The following ABLIM2 variants were observed in gnomAD, a reference collection of about 807,000 sequenced individuals.
ABLIM2 encodes actin-binding LIM protein 2.
A neutral mutation model predicts 97.7 loss-of-function variants in ABLIM2; 53 were observed. That is an observed-to-expected ratio of 0.54 (90% confidence interval 0.44 to 0.68). The LOEUF (loss-of-function observed/expected upper bound fraction) is 0.68. Among genes scored for constraint, ABLIM2 ranks in the 30% least tolerant of loss-of-function variants. The pLI is 0.00. For missense variants in ABLIM2, 835 were observed against 867.2 expected (o/e 0.96, Z 0.47); for synonymous variants, 361 against 345.8 (o/e 1.04, Z -0.49).
At chr4:8,096,969 G>C (rs748081238) in intron 3 of ABLIM2, 130 bp downstream of exon 3, 6 of 1,195,514 alleles carry the variant, frequency 5.0e-6, no homozygotes, top group Non-Finnish European at 6.9e-6. Flanking sequence ...GTGGGGCCTG[G>C]AACAGCCTCG....
chr4:8,089,387 C>G (rs887039444), intron 3 of ABLIM2, among the ~76,000 whole-genome samples: 1 of 152,164 alleles, frequency 6.6e-6, no homozygotes, highest in South Asian at 2.1e-4. Flanking sequence ...GCCAGAGAAC[C>G]AGGTGCTTTT....
In ABLIM2 at chr4:8,021,537, G is replaced by T. The variant is rs1054102458; in HGVS notation, c.1268-1234C>A. Among the ~76,000 whole-genome samples, 1 of 152,232 alleles carries T rather than the reference G, an allele frequency of 6.6e-6. No homozygotes were observed. The highest frequency in any genetic ancestry group is 1.5e-5 in the Non-Finnish European group (1 of 68,040). ...CCCTCAAGCTGCACAGCCTTTCAGA[G>T]CAGCAGGACCCTGCGGTGACATCGA... On this transcript the variant is annotated intron_variant, in intron 12 of 20. Transcript: ENST00000447017. The surrounding 1 kb of genome is among the most constrained non-coding windows in gnomAD (Gnocchi z 5.5).
In ABLIM2 at chr4:8,043,491, G is replaced by A. The variant is rs1790104300; in HGVS notation, c.900+1673C>T. ...CCTCAGAATGTGACTGCATTTGGAT[G>A]CAGGGCCTTAAGAGAGGTCATCAAG... On this transcript the variant is annotated intron_variant, in intron 9 of 20. Transcript: ENST00000447017. This position sits in a 1 kb window ranked among gnomAD's most constrained non-coding sequence, Gnocchi z 4.8. Among the ~76,000 whole-genome samples, 1 of 152,152 alleles carries A rather than the reference G, an allele frequency of 6.6e-6. No homozygotes were observed. Among genetic ancestry groups the A allele is most frequent in the African/African-American group, 2.4e-5 (1 of 41,438 alleles).
intron 6 of ABLIM2, among the ~76,000 whole-genome samples, chr4:8,063,057 A>T (rs1244591615): frequency 6.6e-6 from 1 of 152,146 alleles, no homozygotes; most frequent in Non-Finnish European, 1.5e-5. Context: ...TCAAGGGAGA[A>T]CACTGCTGGG....
At chr4:8,063,782 T>G (rs1805066615) in intron 6 of ABLIM2, among the ~76,000 whole-genome samples, 1 of 152,342 alleles carries the variant, frequency 6.6e-6, no homozygotes, top group Middle Eastern at 3.4e-3. Context: ...TTCAAACAGC[T>G]TATCCAGTTT....
chr4:8,072,673 T>A lies in ABLIM2; in HGVS notation c.675+4955A>T, dbSNP rs1327125042. The stretch of plus-strand genomic sequence containing the variant: ...TCCAGTCTGGCTCTGCCACCGACTC[T>A]CAGTGGCTGATGGCCGGGCACGTGG... On this transcript the variant is annotated intron_variant, in intron 6 of 20. Transcript: ENST00000447017. The surrounding 1 kb of genome is among the most constrained non-coding windows in gnomAD (Gnocchi z 5.8). Among the ~76,000 whole-genome samples the A allele has an allele frequency of 1.3e-5, 2 of 152,240 alleles. No homozygotes were observed. Among genetic ancestry groups the A allele is most frequent in the African/African-American group, 4.8e-5 (2 of 41,464 alleles).
At chr4:8,100,700 C>T (rs1027078359) in intron 2 of ABLIM2, among the ~76,000 whole-genome samples, 2 of 141,554 alleles carry the variant, frequency 1.4e-5, no homozygotes, top group African/African-American at 2.7e-5. Flanking sequence ...GAGCCAAGAT[C>T]GCGCCACTGC....
chr4:8,153,954 A>G (rs1488950205), intron 1 of ABLIM2, among the ~76,000 whole-genome samples: 1 of 139,624 alleles, frequency 7.2e-6, no homozygotes, highest in Non-Finnish European at 1.5e-5. Flanking sequence ...TCTAAATTAA[A>G]CTTCTTTTCT....
At chr4:8,152,359 G>A (rs557994780) in intron 1 of ABLIM2, among the ~76,000 whole-genome samples, 15 of 152,326 alleles carry the variant, frequency 9.8e-5, no homozygotes, top group African/African-American at 1.4e-4. Flanking sequence ...GACGGGACTC[G>A]CAGGCATTTC....
rs572389762 is a variant in ABLIM2, at chr4:7,966,932, C to T, written c.*58G>A. On this transcript the variant is annotated 3_prime_UTR_variant, in exon 21 of 21. Transcript: ENST00000447017. ...GTGTGGGAGGGGTGTGTGCGGTTCT[C>T]GCCAGGGGCCCCTGGCCTCGGCGCC... is the stretch of plus-strand genomic sequence containing the variant. 2.8e-4 allele frequency: 303 copies of T among 1,089,326 alleles called. 1 individual carries two copies. The highest frequency in any genetic ancestry group is 8.4e-5 in the African/African-American group (5 of 59,214). The allele number at this position is 1,089,326 out of a possible 1,614,324, so 67.5% of individuals were successfully genotyped here.
chr4:8,151,741 T>C (rs1247800502), intron 1 of ABLIM2, among the ~76,000 whole-genome samples: 2 of 151,418 alleles, frequency 1.3e-5, no homozygotes, highest in Non-Finnish European at 2.9e-5. Flanking sequence ...TTGTCCAAGG[T>C]CACAGAGGTC....
chr4:8,077,746 C>T (rs534217627), intron 5 of ABLIM2, 25 bp from the exon 6 acceptor site: 5 of 1,596,712 alleles, frequency 3.1e-6, no homozygotes, highest in South Asian at 1.1e-5. Context: ...GCAGTCAACA[C>T]AGGGCGGGTG....
At chr4:8,142,021 G>A (rs570635322) in intron 1 of ABLIM2, among the ~76,000 whole-genome samples, 147 of 152,164 alleles carry the variant, frequency 9.7e-4, no homozygotes, top group African/African-American at 3.4e-3. Context: ...TGGGGCCAGC[G>A]GGGCGCCGTG....
At chr4:8,041,451 C>T (rs1348643758) in intron 9 of ABLIM2, 3 of 152,148 alleles carry the variant, frequency 2.0e-5, no homozygotes, top group African/African-American at 2.4e-5. Context: ...CTCGGAGTCA[C>T]GGAGACCTGT....
intron 8 of ABLIM2, among the ~76,000 whole-genome samples, chr4:8,051,929 C>T (rs1796307390): frequency 6.6e-6 from 1 of 152,214 alleles, no homozygotes; most frequent in African/African-American, 2.4e-5. Context: ...CAGACACTGC[C>T]ACCTCGAGCC....
intron 20 of ABLIM2, among the ~76,000 whole-genome samples, chr4:7,976,836 T>TAC (rs1733661849): frequency 6.6e-6 from 1 of 151,794 alleles, no homozygotes; most frequent in South Asian, 2.1e-4. Context: ...CATACACACA[T>TAC]GCACACACAT....
chr4:7,985,974 C>A (rs963103719), intron 17 of ABLIM2, among the ~76,000 whole-genome samples: 2 of 152,212 alleles, frequency 1.3e-5, no homozygotes, highest in African/African-American at 2.4e-5. Context: ...TTGCTGGGGC[C>A]CGGGGTTCGC....
At chr4:8,121,156 G>A (rs1845241702) in intron 1 of ABLIM2, among the ~76,000 whole-genome samples, 1 of 152,198 alleles carries the variant, frequency 6.6e-6, no homozygotes, top group South Asian at 2.1e-4. Context: ...CTGCAAAGTG[G>A]GACACTGATC....
At chr4:7,974,593 AATC>A (rs1731354726) in intron 20 of ABLIM2, among the ~76,000 whole-genome samples, 1 of 1,606 alleles carries the variant, frequency 6.2e-4, no homozygotes, top group Non-Finnish European at 1.6e-3. Context: ...CCATCCATCC[AATC>A]CTACCATCCA....
Sources: gnomAD v4.1 joint callset for allele counts (sites outside exome capture counted in the v4.1 genomes callset) on GRCh38, gnomAD v4.1.1 for gene constraint, Gnocchi (gnomAD v3.1) non-coding constraint, MANE v1.5 for transcripts, NCBI Gene and HGNC (gene_info 2026-07-23, HGNC 2026-07-21) for gene names.